The following PDE8B variants were observed in gnomAD, a reference collection of about 807,000 sequenced individuals.
PDE8B encodes the protein high affinity cAMP-specific and IBMX-insensitive 3',5'-cyclic phosphodiesterase 8B.
A neutral mutation model predicts 101.3 loss-of-function variants in PDE8B; 26 were observed. The ratio of observed to expected loss-of-function variants is 0.26; its 90% CI spans 0.19 to 0.36. PDE8B has a LOEUF of 0.36. PDE8B is among the 10% of genes least tolerant of loss of function. The pLI, the probability that PDE8B is intolerant of heterozygous loss-of-function variation, is 1.00. For missense variants in PDE8B, 810 were observed against 1,163.1 expected, an observed-to-expected ratio of 0.70 and a Z score of 4.42; for synonymous variants, 424 against 429.3, an observed-to-expected ratio of 0.99 and a Z score of 0.15.
chr5:77,349,109 C>T (rs192928871), intron 7 of PDE8B, among the ~76,000 whole-genome samples: 49 of 152,244 alleles, frequency 3.2e-4, no homozygotes, highest in Admixed American at 2.8e-3. Flanking sequence ...CCCCAAGAGG[C>T]TGGTACTGCT....
At chr5:77,093,223 T>C in the PDE8B span, among the ~76,000 whole-genome samples, 1 of 152,210 alleles carries the variant, frequency 6.6e-6, no homozygotes, top group East Asian at 1.9e-4. Flanking sequence ...GGCTTTGATT[T>C]ATGCATAGGT....
At chr5:77,309,134 G>T (rs1025138897) in intron 1 of PDE8B, among the ~76,000 whole-genome samples, 7 of 149,016 alleles carry the variant, frequency 4.7e-5, no homozygotes, top group Non-Finnish European at 8.9e-5. Context: ...AGCCAAGAAG[G>T]CACCACTGCA....
At chr5:77,212,873 G>A (rs1201931927) in intron 1 of PDE8B, among the ~76,000 whole-genome samples, 1 of 152,184 alleles carries the variant, frequency 6.6e-6, no homozygotes, top group African/African-American at 2.4e-5. Flanking sequence ...TTGCCTGACG[G>A]TTGAAGACCT....
chr5:77,313,220 T>A (rs1197864022), intron 2 of PDE8B, among the ~76,000 whole-genome samples: 4 of 152,086 alleles, frequency 2.6e-5, no homozygotes, highest in Admixed American at 2.6e-4. Flanking sequence ...AAATGTGCTA[T>A]TTGATTTATG....
intron 1 of PDE8B, among the ~76,000 whole-genome samples, chr5:77,240,267 C>G (rs1042835437): frequency 6.6e-6 from 1 of 152,160 alleles, no homozygotes; most frequent in African/African-American, 2.4e-5. Flanking sequence ...CATTCTCCTG[C>G]CTCAGCCTTC....
At position 77,331,558 on chromosome 5, in the gene PDE8B, G is replaced by A. The variant is rs1777133761; in HGVS notation, c.708+99G>A. 7.4e-6 allele frequency: 7 copies of A among 943,698 alleles called. No individual in the cohort carries two copies. The South Asian group carries it at 9.1e-5, about 12-fold the overall frequency. 58.5% of individuals were successfully genotyped at this position (943,698 alleles called of 1,614,324 possible). ...AAAGCTGCCACGGAGAACTGTTAAG[G>A]AAATTAAGCCCCAGGACTGTTGGGG... On this transcript the variant is annotated intron_variant, in intron 5 of 21. Coordinates refer to ENST00000264917, the MANE Select transcript of PDE8B (RefSeq NM_003719.5).
intron 1 of PDE8B, among the ~76,000 whole-genome samples, chr5:77,222,584 C>CA (rs1311255316): frequency 2.6e-5 from 4 of 152,100 alleles, no homozygotes; most frequent in African/African-American, 9.7e-5. Context: ...GACTCCATCT[C>CA]AAAAAACAGA....
At chr5:77,223,231 T>A (rs1450444899) in intron 1 of PDE8B, among the ~76,000 whole-genome samples, 2 of 152,132 alleles carry the variant, frequency 1.3e-5, no homozygotes, top group Admixed American at 6.5e-5. Flanking sequence ...ATTCTTTCTT[T>A]TTTTATTTTA....
intron 2 of PDE8B, among the ~76,000 whole-genome samples, chr5:77,325,245 G>C (rs1353773783): frequency 6.6e-6 from 1 of 152,170 alleles, no homozygotes; most frequent in African/African-American, 2.4e-5. Flanking sequence ...ATGGTTCACT[G>C]CAGCTTCTAC....
intron 6 of PDE8B, among the ~76,000 whole-genome samples, chr5:77,338,097 T>C (rs1160993728): frequency 6.6e-6 from 1 of 152,220 alleles, no homozygotes. Context: ...CCCAGGAGCT[T>C]CAGGCTGTGT....
the PDE8B span, among the ~76,000 whole-genome samples, chr5:77,203,709 T>A: frequency 6.6e-6 from 1 of 152,168 alleles, no homozygotes; most frequent in African/African-American, 2.4e-5. Flanking sequence ...CAACTCCCCC[T>A]AATATCCCAA....
chr5:77,171,671 G>T, the PDE8B span, among the ~76,000 whole-genome samples: 2 of 152,178 alleles, frequency 1.3e-5, no homozygotes, highest in Non-Finnish European at 2.9e-5. Context: ...ACAGGTGTGG[G>T]CAGGGTTAAA....
intron 1 of PDE8B, among the ~76,000 whole-genome samples, chr5:77,276,640 A>G (rs1451211717): frequency 6.6e-6 from 1 of 152,226 alleles, no homozygotes; most frequent in Admixed American, 6.5e-5. Flanking sequence ...TCTAACTCAC[A>G]GTGCTGGACT....
intron 5 of PDE8B, among the ~76,000 whole-genome samples, chr5:77,335,178 G>A (rs1332145569): frequency 1.3e-5 from 2 of 152,158 alleles, no homozygotes; most frequent in African/African-American, 2.4e-5. Flanking sequence ...ACAAAACAGT[G>A]TCGTGATATA....
chr5:77,344,546 T>C (rs1779814639), intron 6 of PDE8B, among the ~76,000 whole-genome samples: 1 of 152,216 alleles, frequency 6.6e-6, no homozygotes, highest in Non-Finnish European at 1.5e-5. Context: ...ACCCTCTCTA[T>C]GTCCTCACAT....
intron 1 of PDE8B, among the ~76,000 whole-genome samples, chr5:77,288,369 A>T (rs569469689): frequency 4.7e-4 from 72 of 152,270 alleles, no homozygotes; most frequent in African/African-American, 1.6e-3. Flanking sequence ...CAAAAGCCAC[A>T]TTTTCCTTCT....
At chr5:77,394,434 A>T (rs1395814541) in intron 10 of PDE8B, among the ~76,000 whole-genome samples, 1 of 152,168 alleles carries the variant, frequency 6.6e-6, no homozygotes, top group African/African-American at 2.4e-5. Context: ...GGGCACTGTG[A>T]TCCCCATCAG....
intron 11 of PDE8B, among the ~76,000 whole-genome samples, chr5:77,403,507 A>G (rs1485533269): frequency 6.6e-6 from 1 of 152,120 alleles, no homozygotes; most frequent in Non-Finnish European, 1.5e-5. Flanking sequence ...TTAGTATTAT[A>G]TTTCCTCAAA....
intron 1 of PDE8B, among the ~76,000 whole-genome samples, chr5:77,308,331 G>A (rs1404209776): frequency 1.3e-5 from 2 of 152,138 alleles, no homozygotes; most frequent in Non-Finnish European, 2.9e-5. Context: ...GGTAAACTGA[G>A]GCACCCACGC....
Sources: gnomAD v4.1 joint callset for allele counts (sites outside exome capture counted in the v4.1 genomes callset) on GRCh38, gnomAD v4.1.1 for gene constraint, MANE v1.5 for transcripts, NCBI Gene and HGNC (gene_info 2026-07-23, HGNC 2026-07-21) for gene names.